The following XG variants were observed in gnomAD, a reference collection of about 807,000 sequenced individuals.
XG encodes Xg glycoprotein (Xg blood group).
Under a neutral mutation model 25.7 loss-of-function variants are expected in XG, and 24 were observed. That is an observed-to-expected ratio of 0.93 (90% CI 0.68 to 1.31). XG has a LOEUF of 1.31. Among genes scored for constraint, XG ranks in the 40% most tolerant of loss-of-function variants. The probability of loss-of-function intolerance (pLI) is 0.00; values close to 1 mark genes in which losing one functional copy is unlikely to be tolerated. For synonymous variants in XG, 77 were observed against 69.2 expected, an observed-to-expected ratio of 1.11 and a Z score of -0.56; for missense variants, 181 against 187.6, an observed-to-expected ratio of 0.96 and a Z score of 0.21.
chrX:2,814,479 G>A lies in XG; in HGVS notation c.*99G>A. 9.6e-7 allele frequency: 1 copy of A among 1,046,333 alleles called. No homozygotes were observed. Among genetic ancestry groups the A allele is most frequent in the African/African-American group, 1.9e-5 (1 of 53,245 alleles). The allele number at this position is 1,046,333 out of a possible 1,213,427, so 86.2% of individuals were successfully genotyped here. Reference sequence around the variant, plus strand: ...TTTCCTTTTATTCTTGACACAATTTGATGACCTAAAGTGTGTTTTCTTCTG... The same window carrying A: ...TTTCCTTTTATTCTTGACACAATTTAATGACCTAAAGTGTGTTTTCTTCTG... On this transcript the variant is annotated 3_prime_UTR_variant, in exon 11 of 11. Transcript: ENST00000644266.
intron 1 of XG, among the ~76,000 whole-genome samples, chrX:2,758,802 G>C (rs966155168): frequency 5.3e-5 from 8 of 152,160 alleles, no homozygotes; most frequent in Non-Finnish European, 8.8e-5. Context: ...GAGGAATCTT[G>C]CCTTAGCATG....
intron 7 of XG, among the ~76,000 whole-genome samples, chrX:2,800,139 A>G (rs185525897): frequency 9.0e-6 from 1 of 111,454 alleles, no homozygotes; most frequent in Non-Finnish European, 1.9e-5. Context: ...CATGGCCCCA[A>G]ATAGGTGACG....
At chrX:2,760,455 G>T (rs1184523451) in intron 1 of XG, among the ~76,000 whole-genome samples, 3 of 151,818 alleles carry the variant, frequency 2.0e-5, no homozygotes, top group Non-Finnish European at 4.4e-5. Flanking sequence ...GGTGATTCAG[G>T]CTGGGTGCGG....
chrX:2,805,106 G>A (rs1270168475), intron 7 of XG, among the ~76,000 whole-genome samples: 1 of 112,246 alleles, frequency 8.9e-6, no homozygotes, highest in African/African-American at 3.2e-5. Flanking sequence ...TGAGTCACGC[G>A]GCTTCTCCCC....
intron 1 of XG, among the ~76,000 whole-genome samples, chrX:2,769,524 G>A (rs1374565312): frequency 6.6e-6 from 1 of 152,208 alleles, no homozygotes; most frequent in Non-Finnish European, 1.5e-5. Context: ...TGCATAGTAA[G>A]TGCTGACTCA....
At chrX:2,763,854 C>T (rs896714924) in intron 1 of XG, among the ~76,000 whole-genome samples, 39 of 152,228 alleles carry the variant, frequency 2.6e-4, no homozygotes, top group Middle Eastern at 6.8e-3. Context: ...TGGCGGTGTT[C>T]GGCTTTACTG....
At chrX:2,792,671 A>G (rs892781985) in intron 5 of XG, among the ~76,000 whole-genome samples, 2 of 107,236 alleles carry the variant, frequency 1.9e-5, no homozygotes, top group African/African-American at 6.8e-5. Flanking sequence ...AAGTGCTGGG[A>G]TTACAGATGT....
At chrX:2,768,311 C>T (rs2124441937) in intron 1 of XG, among the ~76,000 whole-genome samples, 1 of 152,280 alleles carries the variant, frequency 6.6e-6, no homozygotes, top group Non-Finnish European at 1.5e-5. Context: ...TGTAAATTCT[C>T]AGGGTGTGTG....
At chrX:2,781,232 A>G (rs2051113363) in intron 3 of XG, among the ~76,000 whole-genome samples, 1 of 151,416 alleles carries the variant, frequency 6.6e-6, no homozygotes, top group Admixed American at 6.6e-5. Context: ...CAAAATAATG[A>G]ATGAATTCTT....
intron 7 of XG, among the ~76,000 whole-genome samples, chrX:2,799,550 G>A (rs1603457803): frequency 2.7e-5 from 3 of 111,405 alleles, no homozygotes; most frequent in African/African-American, 9.8e-5. Flanking sequence ...GAATCTGCAT[G>A]TTGCATAAGA....
chrX:2,810,024 A>G (rs181772865), intron 9 of XG, among the ~76,000 whole-genome samples: 173 of 112,215 alleles, frequency 1.5e-3, no homozygotes, highest in Middle Eastern at 4.6e-3. Flanking sequence ...GAGCGTGTTC[A>G]TGTAGGGAGG....
intron 1 of XG, among the ~76,000 whole-genome samples, chrX:2,767,608 G>C (rs1366970073): frequency 2.0e-5 from 3 of 152,166 alleles, no homozygotes; most frequent in African/African-American, 7.2e-5. Context: ...CTTGGAGACA[G>C]AGACCCCAGA....
intron 1 of XG, among the ~76,000 whole-genome samples, chrX:2,763,165 C>CACCA (rs758550686): frequency 0.065 from 9,945 of 152,138 alleles, 609 homozygotes; most frequent in East Asian, 0.32. Flanking sequence ...TACAGGTGCA[C>CACCA]ACCACCACGC....
chrX:2,752,531 A>C (rs2050356600), intron 1 of XG, among the ~76,000 whole-genome samples, 196 bp downstream of exon 1: 1 of 152,100 alleles, frequency 6.6e-6, no homozygotes, highest in Admixed American at 6.6e-5. Context: ...GGAATCTGGG[A>C]ATTAGATCCA....
intron 1 of XG, among the ~76,000 whole-genome samples, chrX:2,754,824 G>A (rs1384491514): frequency 1.3e-5 from 2 of 152,094 alleles, no homozygotes; most frequent in Non-Finnish European, 2.9e-5. Context: ...CCAAATTGAG[G>A]GTGGGTCCGC....
intron 10 of XG, among the ~76,000 whole-genome samples, chrX:2,811,715 C>T (rs1461234954): frequency 1.8e-5 from 2 of 111,593 alleles, no homozygotes; most frequent in Admixed American, 9.5e-5. Flanking sequence ...CTTGCCTCAG[C>T]CTCCCGAACA....
chrX:2,783,334 C>T (rs1308432275), intron 4 of XG, among the ~76,000 whole-genome samples: 7 of 80,264 alleles, frequency 8.7e-5, no homozygotes, highest in Non-Finnish European at 1.3e-4. Flanking sequence ...AGAGAGTGAA[C>T]GAGAGAGAGA....
At chrX:2,754,876 A>T (rs1261399198) in intron 1 of XG, among the ~76,000 whole-genome samples, 1 of 152,196 alleles carries the variant, frequency 6.6e-6, no homozygotes, top group East Asian at 1.9e-4. Context: ...TCCTTTGGCA[A>T]CACCCTCACA....
At chrX:2,802,094 T>C (rs1411594650) in intron 7 of XG, among the ~76,000 whole-genome samples, 1 of 111,919 alleles carries the variant, frequency 8.9e-6, no homozygotes, top group Non-Finnish European at 1.9e-5. Flanking sequence ...AGGACTCCCA[T>C]ACCCTTGCTA....
Sources: gnomAD v4.1 joint callset for allele counts (sites outside exome capture counted in the v4.1 genomes callset) on GRCh38, gnomAD v4.1.1 for gene constraint, MANE v1.5 for transcripts, NCBI Gene and HGNC (gene_info 2026-07-23, HGNC 2026-07-21) for gene names.